Variants in GRIK4 observed in about 807,000 individuals in gnomAD.
GRIK4 encodes the protein glutamate ionotropic receptor kainate type subunit 4, also known as glutamate receptor ionotropic, kainate 4.
Under a neutral mutation model 104.9 loss-of-function variants are expected in GRIK4, and 40 were observed. The ratio of observed to expected loss-of-function variants is 0.38; its 90% CI spans 0.30 to 0.50. GRIK4 has a LOEUF of 0.50. GRIK4 is among the 20% of genes least tolerant of loss of function. GRIK4 has a pLI of 0.93. For missense variants in GRIK4, 1,047 were observed against 1,308.1 expected, an observed-to-expected ratio of 0.80 and a Z score of 3.08; for synonymous variants, 485 against 524.9, an observed-to-expected ratio of 0.92 and a Z score of 1.04.
chr11:120,641,701 T>G (rs2135200793), intron 1 of GRIK4, among the ~76,000 whole-genome samples: 1 of 152,288 alleles, frequency 6.6e-6, no homozygotes, highest in South Asian at 2.1e-4. Flanking sequence ...GCTGTCTTGG[T>G]TTTGGTGAGT....
chr11:120,616,154 G>A (rs1165124836), intron 1 of GRIK4, among the ~76,000 whole-genome samples: 1 of 152,140 alleles, frequency 6.6e-6, no homozygotes, highest in African/African-American at 2.4e-5. Flanking sequence ...GTGGGGATGG[G>A]GCAGAGGGAA....
chr11:120,858,099 T>A (rs1954164675), intron 8 of GRIK4: 1 of 152,110 alleles, frequency 6.6e-6, no homozygotes, highest in African/African-American at 2.4e-5. Context: ...AAGAAGAGGA[T>A]CAAGGTCCCC....
At chr11:120,919,534 G>A (rs1943182396) in intron 13 of GRIK4, among the ~76,000 whole-genome samples, 1 of 152,138 alleles carries the variant, frequency 6.6e-6, no homozygotes, top group Admixed American at 6.6e-5. Flanking sequence ...GAAACTCTGG[G>A]GTGGGACTCA....
At chr11:120,892,555 T>C (rs1424304674) in intron 11 of GRIK4, among the ~76,000 whole-genome samples, 1 of 151,994 alleles carries the variant, frequency 6.6e-6, no homozygotes, top group Non-Finnish European at 1.5e-5. Flanking sequence ...TAGTGCCAGG[T>C]ACTAATGGGG....
chr11:120,526,530 A>C (rs1022816418), intron 1 of GRIK4, among the ~76,000 whole-genome samples: 1 of 152,184 alleles, frequency 6.6e-6, no homozygotes, highest in Non-Finnish European at 1.5e-5. Flanking sequence ...AGTATACATC[A>C]ATTCAAAAAG....
intron 3 of GRIK4, among the ~76,000 whole-genome samples, chr11:120,740,598 C>A (rs575031713): frequency 1.4e-3 from 218 of 152,310 alleles, no homozygotes; most frequent in African/African-American, 5.0e-3. Context: ...TGCCTGGTAA[C>A]TTGGGAGGAA....
intron 1 of GRIK4, among the ~76,000 whole-genome samples, chr11:120,598,857 C>T (rs767704631): frequency 8.6e-4 from 131 of 152,350 alleles, no homozygotes; most frequent in Admixed American, 1.8e-3. Context: ...TTTACATCCT[C>T]TGTTATTTCA....
Position 120,514,899 on chromosome 11 carries a change from C to T in GRIK4, c.-159+3012C>T, listed in dbSNP as rs988785660. The T allele has an allele frequency of 1.1e-5, 5 of 448,420 alleles. 1 individual carries two copies. The highest frequency in any genetic ancestry group is 6.3e-5 in the South Asian group (4 of 63,060). 27.8% of individuals were successfully genotyped at this position (448,420 alleles called of 1,614,324 possible). A position where few individuals can be genotyped will look rare whatever the true frequency, so the allele number is the denominator to read the frequency against. On this transcript the variant is annotated intron_variant, in intron 1 of 20. Transcript: ENST00000527524. Reference sequence around the variant, plus strand: ...CCCTACTTGGGCCTTTGGCTGTTCACCCTGAGTTACGGTCCTGAAAGCTTC... The same window carrying T: ...CCCTACTTGGGCCTTTGGCTGTTCATCCTGAGTTACGGTCCTGAAAGCTTC...
chr11:120,922,556 G>A (rs1943247547), intron 13 of GRIK4, among the ~76,000 whole-genome samples: 2 of 152,210 alleles, frequency 1.3e-5, no homozygotes, highest in Non-Finnish European at 2.9e-5. Context: ...GTCTTGTGGT[G>A]TGTTCGATGT....
rs1331277932 is a variant in GRIK4 at position 120,549,070 on chromosome 11, G to T, written c.-159+37183G>T. On this transcript the variant is annotated intron_variant, in intron 1 of 20. Transcript: ENST00000527524. This position sits in a 1 kb window ranked among gnomAD's most constrained non-coding sequence, Gnocchi z 4.7. ...TCATCCCAGGCAGCTGTGGTATGAA[G>T]GGGGCTCTGAAGGATGCCTGTTTCC... Among the ~76,000 whole-genome samples, 1 of 152,050 alleles carries T rather than the reference G, an allele frequency of 6.6e-6. No individual in the cohort carries two copies. Among genetic ancestry groups the T allele is most frequent in the Admixed American group, 6.5e-5 (1 of 15,278 alleles).
At chr11:120,831,327 G>T (rs76833074) in intron 6 of GRIK4, among the ~76,000 whole-genome samples, 7,284 of 152,308 alleles carry the variant, frequency 0.048, 582 homozygotes, top group African/African-American at 0.16. Flanking sequence ...TGTGTCCGAG[G>T]CTCGGGCCTG....
At chr11:120,791,903 A>G (rs886825948) in intron 3 of GRIK4, among the ~76,000 whole-genome samples, 1 of 152,188 alleles carries the variant, frequency 6.6e-6, no homozygotes, top group Non-Finnish European at 1.5e-5. Flanking sequence ...AGTAGTAATT[A>G]TGAAGGAAGG....
chr11:120,889,473 A>G (rs1264170334), intron 11 of GRIK4, among the ~76,000 whole-genome samples: 1 of 151,760 alleles, frequency 6.6e-6, no homozygotes, highest in African/African-American at 2.4e-5. Context: ...AAGAACTTCA[A>G]CTTAGTACCC....
chr11:120,729,712 A>T (rs569894264), intron 3 of GRIK4, among the ~76,000 whole-genome samples: 1 of 152,064 alleles, frequency 6.6e-6, no homozygotes, highest in East Asian at 1.9e-4. Flanking sequence ...TCTGTGGGTT[A>T]TCTCTTCAGT....
At chr11:120,928,471 C>T (rs766093187) in intron 13 of GRIK4, among the ~76,000 whole-genome samples, 52 of 152,048 alleles carry the variant, frequency 3.4e-4, no homozygotes, top group African/African-American at 1.2e-3. Flanking sequence ...ATGGCAGAGT[C>T]GGGATTCAAA....
chr11:120,614,075 C>T (rs184903082), intron 1 of GRIK4, among the ~76,000 whole-genome samples: 54 of 152,334 alleles, frequency 3.5e-4, no homozygotes, highest in Middle Eastern at 3.4e-3. Flanking sequence ...CATCCTCTCT[C>T]GCTTCCTTCT....
intron 3 of GRIK4, among the ~76,000 whole-genome samples, chr11:120,698,592 C>T (rs1950495688): frequency 6.6e-6 from 1 of 152,256 alleles, no homozygotes; most frequent in Admixed American, 6.5e-5. Flanking sequence ...CCTTATGCCT[C>T]ACCTTTGTTC....
At chr11:120,636,051 C>G (rs1265452793) in intron 1 of GRIK4, among the ~76,000 whole-genome samples, 1 of 152,218 alleles carries the variant, frequency 6.6e-6, no homozygotes, top group Non-Finnish European at 1.5e-5. Context: ...GTCTGGCTTT[C>G]CTTCGTTCAA....
chr11:120,660,246 GC>G, intron 2 of GRIK4, 22 bp from the exon 3 acceptor site: 1 of 1,071,712 alleles, frequency 9.3e-7, no homozygotes, highest in South Asian at 1.3e-5. Flanking sequence ...GGACTCACGT[GC>G]CCCCAACCCC....
Sources: allele counts gnomAD v4.1 joint callset (sites outside exome capture counted in the v4.1 genomes callset), GRCh38; gene constraint gnomAD v4.1.1; non-coding constraint Gnocchi (gnomAD v3.1); transcripts MANE v1.5; gene names NCBI Gene and HGNC (gene_info 2026-07-23, HGNC 2026-07-21).